The following PPP3CA variants were observed in gnomAD, a reference collection of about 807,000 sequenced individuals.
The protein encoded by PPP3CA is CAM-PRP catalytic subunit.
In PPP3CA, 14 loss-of-function variants were observed where a neutral mutation model predicts 66.5. That is an observed-to-expected ratio of 0.21 (90% CI 0.14 to 0.33). PPP3CA has a LOEUF of 0.33. Ranked by LOEUF, PPP3CA falls within the 10% of genes least tolerant of loss-of-function variation. The pLI is 1.00. For missense variants in PPP3CA, 317 were observed against 639.5 expected, an observed-to-expected ratio of 0.50 and a Z score of 5.44; for synonymous variants, 232 against 226.2, an observed-to-expected ratio of 1.03 and a Z score of -0.23.
intron 1 of PPP3CA, among the ~76,000 whole-genome samples, chr4:101,225,626 A>C (rs1378435271): frequency 6.6e-6 from 1 of 151,820 alleles, no homozygotes; most frequent in African/African-American, 2.4e-5. Context: ...GTTTAAGGAT[A>C]GTTCTAAAAG....
intron 7 of PPP3CA, among the ~76,000 whole-genome samples, chr4:101,080,866 A>C (rs549191528): frequency 6.6e-6 from 1 of 152,292 alleles, no homozygotes; most frequent in South Asian, 2.1e-4. Flanking sequence ...GTATTTTCTA[A>C]GTTAGCAAAC....
At chr4:101,277,606 G>A (rs913592821) in intron 1 of PPP3CA, among the ~76,000 whole-genome samples, 3 of 152,076 alleles carry the variant, frequency 2.0e-5, no homozygotes, top group African/African-American at 4.8e-5. Flanking sequence ...TACAATTCCT[G>A]TTAGACAAAA....
intron 2 of PPP3CA, among the ~76,000 whole-genome samples, chr4:101,181,079 A>G (rs565933255): frequency 1.3e-5 from 2 of 152,118 alleles, no homozygotes; most frequent in African/African-American, 2.4e-5. Context: ...ATAAAATAGA[A>G]TAAGTGTTGC....
chr4:101,179,010 C>G (rs1249901945), intron 2 of PPP3CA, among the ~76,000 whole-genome samples: 2 of 152,092 alleles, frequency 1.3e-5, no homozygotes, highest in Admixed American at 1.3e-4. Context: ...GTCTGTGGAA[C>G]CTAAGTCTAT....
At chr4:101,208,956 C>A (rs1725221228) in intron 1 of PPP3CA, among the ~76,000 whole-genome samples, 1 of 152,054 alleles carries the variant, frequency 6.6e-6, no homozygotes, top group Non-Finnish European at 1.5e-5. Context: ...GAAGAAAAAT[C>A]TCACATTCTA....
chr4:101,312,506 A>G (rs1728760718), intron 1 of PPP3CA, among the ~76,000 whole-genome samples: 1 of 152,020 alleles, frequency 6.6e-6, no homozygotes, highest in Non-Finnish European at 1.5e-5. Context: ...TAAATAAAAT[A>G]CCTAGAATCA....
intron 2 of PPP3CA, among the ~76,000 whole-genome samples, chr4:101,170,870 C>T (rs1013017080): frequency 2.6e-5 from 4 of 151,896 alleles, no homozygotes; most frequent in Non-Finnish European, 5.9e-5. Context: ...ATACATTTAC[C>T]AATATATCTG....
chr4:101,072,041 T>C (rs1728941436), intron 8 of PPP3CA, among the ~76,000 whole-genome samples: 1 of 152,182 alleles, frequency 6.6e-6, no homozygotes, highest in Admixed American at 6.5e-5. Flanking sequence ...AACTAACCTA[T>C]TTACAAAGTG....
intron 6 of PPP3CA, among the ~76,000 whole-genome samples, chr4:101,089,976 C>A (rs1162167923): frequency 6.6e-6 from 1 of 152,120 alleles, no homozygotes; most frequent in Non-Finnish European, 1.5e-5. Context: ...GCTGGCATAG[C>A]AAAGTAAACA....
At position 101,080,623 on chromosome 4, in the gene PPP3CA, G is replaced by A. The variant is rs1201462738; in HGVS notation, c.864C>T (p.Tyr288=). The change falls in exon 8 of 14, where the codon TAC becomes TAT. Residue 288 remains tyrosine (Y), a synonymous_variant. Coordinates refer to ENST00000394854, the MANE Select transcript of PPP3CA (RefSeq NM_000944.5). ...LRAHEAQDAG[Y]RMYRKSQTTG... Reference sequence around the variant, plus strand: ...TTGTTTGGCTTTTCCTGTACATGCGGTACCTAAAAAGAACAAATACAGTCA... The same window carrying A: ...TTGTTTGGCTTTTCCTGTACATGCGATACCTAAAAAGAACAAATACAGTCA... 2.0e-6 allele frequency: 3 copies of A among 1,501,588 alleles called. No homozygotes were observed. Among genetic ancestry groups the A allele is most frequent in the East Asian group, 2.3e-5 (1 of 43,852 alleles). 93.0% of individuals were successfully genotyped at this position (1,501,588 alleles called of 1,614,324 possible).
intron 1 of PPP3CA, among the ~76,000 whole-genome samples, chr4:101,230,462 C>A (rs1215315457): frequency 6.6e-6 from 1 of 151,374 alleles, no homozygotes; most frequent in African/African-American, 2.4e-5. Flanking sequence ...ACAGCTGCAG[C>A]GAGCCATGAT....
At chr4:101,062,823 G>A (rs1004670044) in intron 9 of PPP3CA, among the ~76,000 whole-genome samples, 1 of 151,928 alleles carries the variant, frequency 6.6e-6, no homozygotes, top group Non-Finnish European at 1.5e-5. Flanking sequence ...AGAAATGTAA[G>A]GAGAGCATGG....
intron 6 of PPP3CA, among the ~76,000 whole-genome samples, chr4:101,084,889 G>A (rs911267837): frequency 6.6e-5 from 10 of 152,126 alleles, no homozygotes; most frequent in African/African-American, 2.4e-4. Context: ...CTTAGAAACT[G>A]GAGAGGATGG....
intron 6 of PPP3CA, among the ~76,000 whole-genome samples, chr4:101,093,220 TTTCA>T (rs1730037298): frequency 6.6e-6 from 1 of 152,204 alleles, no homozygotes; most frequent in Non-Finnish European, 1.5e-5. Flanking sequence ...ATGAGCATTT[TTTCA>T]TTGTTTTTTG....
intron 8 of PPP3CA, 77 bp downstream of exon 8, chr4:101,080,454 GA>G: frequency 1.3e-6 from 1 of 773,504 alleles, no homozygotes. Flanking sequence ...AAATACTTAA[GA>G]CCAAACCAAA....
In PPP3CA at chr4:101,132,280, C is replaced by G. The variant is rs183389066; in HGVS notation, c.260-23202G>C. Reference sequence around the variant, plus strand: ...AGCAGAACCAAAGGACATAGAGACACAAAAAAACCTTCAAAAAAATCAGTG... The same window carrying G: ...AGCAGAACCAAAGGACATAGAGACAGAAAAAAACCTTCAAAAAAATCAGTG... On this transcript the variant is annotated intron_variant, in intron 2 of 13. Transcript: ENST00000394854. Among the ~76,000 whole-genome samples the G allele has an allele frequency of 1.1e-3, 171 of 151,962 alleles. 1 individual carries two copies. Among genetic ancestry groups the G allele is most frequent in the Middle Eastern group, 3.4e-3 (1 of 294 alleles).
intron 2 of PPP3CA, among the ~76,000 whole-genome samples, chr4:101,124,563 C>T (rs1330582589): frequency 2.0e-5 from 3 of 151,076 alleles, no homozygotes; most frequent in South Asian, 2.1e-4. Flanking sequence ...GAGCCGGGAT[C>T]GTGCCATTGC....
chr4:101,287,908 A>AC, intron 1 of PPP3CA, among the ~76,000 whole-genome samples: 1 of 152,142 alleles, frequency 6.6e-6, no homozygotes, highest in Non-Finnish European at 1.5e-5. Flanking sequence ...CAAATAAAAT[A>AC]CAGTTTTCAA....
At chr4:101,107,681 G>A (rs182281644) in intron 3 of PPP3CA, among the ~76,000 whole-genome samples, 11 of 152,190 alleles carry the variant, frequency 7.2e-5, no homozygotes, top group African/African-American at 1.4e-4. Context: ...TTAAATAACC[G>A]AAAAATAAAA....
Sources: allele counts gnomAD v4.1 joint callset (sites outside exome capture counted in the v4.1 genomes callset), GRCh38; gene constraint gnomAD v4.1.1; transcripts MANE v1.5; gene names NCBI Gene and HGNC (gene_info 2026-07-23, HGNC 2026-07-21).